The following NOP9 variants were observed in gnomAD, a reference collection of about 807,000 sequenced individuals.
The protein encoded by NOP9 is nucleolar protein 9.
NOP9 carries 50 observed loss-of-function variants against 63.0 expected under a neutral mutation model. That is an observed-to-expected ratio of 0.79 (90% CI 0.63 to 1.00). NOP9 has a LOEUF of 1.00. NOP9 is among the 50% of genes least tolerant of loss of function. The pLI, the probability that NOP9 is intolerant of heterozygous loss-of-function variation, is 0.00. For synonymous variants in NOP9, 343 were observed against 332.8 expected, an observed-to-expected ratio of 1.03 and a Z score of -0.33; for missense variants, 758 against 803.0, an observed-to-expected ratio of 0.94 and a Z score of 0.68.
chr14:24,305,061 G>A lies in NOP9; in HGVS notation c.1877G>A (p.Arg626Gln), dbSNP rs374412139. ...CAGCAGCAGGGTGCGGTGGCCAAGC[G>A]GAGGCGGGCATTGAACTCCATACTT... ...WEQQQGAVAKRRRALNSILED is the reference protein window; with the variant it reads ...WEQQQGAVAKQRRALNSILED Residue 626 changes from arginine to glutamine, a missense_variant, in exon 10 of 10, where the codon CGG (arginine) becomes CAG (glutamine). Arg to Gln is a conservative substitution (Grantham distance 43). Transcript: ENST00000267425. 43 of 1,585,022 alleles carry A rather than the reference G, an allele frequency of 2.7e-5. No individual in the cohort carries two copies. Among genetic ancestry groups the A allele is most frequent in the Non-Finnish European group, 3.3e-5 (39 of 1,165,638 alleles).
At chr14:24,303,022 TGTG>T in intron 5 of NOP9, 49 bp from the exon 6 acceptor site, 1 of 1,483,838 alleles carries the variant, frequency 6.7e-7, no homozygotes, top group Non-Finnish European at 9.0e-7. Context: ...CTCTGAATAA[TGTG>T]GTCCGCCATT....
In NOP9 at chr14:24,308,179, GGT is replaced by G. The variant is rs1324956416; in HGVS notation, c.*3087_*3088del. 3 of 379,868 alleles carry G rather than the reference GGT, an allele frequency of 7.9e-6. No individual in the cohort carries two copies. The highest frequency in any genetic ancestry group is 4.1e-5 in the African/African-American group (2 of 48,644). 23.5% of individuals were successfully genotyped at this position (379,868 alleles called of 1,614,324 possible). On this transcript the variant is annotated 3_prime_UTR_variant, in exon 10 of 10. Transcript: ENST00000267425. ...TGTAAAAGGATGAAATGTGACTTCTGGTGTTTTTTTATTTCTATGGAGGGAAT... is the reference window on the plus strand; with the variant it reads ...TGTAAAAGGATGAAATGTGACTTCTGGTTTTTTTATTTCTATGGAGGGAAT...
upstream of NOP9, chr14:24,296,691 A>T: frequency 6.2e-7 from 1 of 1,613,828 alleles, no homozygotes; most frequent in East Asian, 2.2e-5. Flanking sequence ...CAGGGGTCTG[A>T]GGGGGAGGTC....
the NOP9 span, chr14:24,290,448 T>G: frequency 1.1e-5 from 2 of 176,850 alleles, no homozygotes; most frequent in South Asian, 1.1e-4. Context: ...GGGAAACAGG[T>G]CTTGCAGGGC....
upstream of NOP9, chr14:24,298,926 C>G (rs2041312990): frequency 6.3e-6 from 10 of 1,583,538 alleles, no homozygotes; most frequent in Non-Finnish European, 8.6e-6. Flanking sequence ...CGGGTGGTTT[C>G]TGCAACTGTG....
Position 24,305,138 on chromosome 14 carries a change from T to TG in NOP9, c.*47dup, listed in dbSNP as rs780698979. ...TGGGTGTTGATGGGGGAGGGCAAAA[T>TG]GGGGTATCCACCCCATCCCTTTCCT... On this transcript the variant is annotated 3_prime_UTR_variant, in exon 10 of 10. Coordinates refer to ENST00000267425, the MANE Select transcript of NOP9 (RefSeq NM_174913.3). 7.8e-6 allele frequency: 11 copies of TG among 1,409,768 alleles called. No homozygotes were observed. Among genetic ancestry groups the TG allele is most frequent in the Non-Finnish European group, 9.3e-6 (10 of 1,070,768 alleles). 87.3% of individuals were successfully genotyped at this position (1,409,768 alleles called of 1,614,324 possible). A position where few individuals can be genotyped will look rare whatever the true frequency, so the allele number is the denominator to read the frequency against.
chr14:24,275,978 G>A, the NOP9 span, among the ~76,000 whole-genome samples: 1 of 152,204 alleles, frequency 6.6e-6, no homozygotes, highest in African/African-American at 2.4e-5. Flanking sequence ...CATCTAACAC[G>A]GTTGACAGTA....
At position 24,304,941 on chromosome 14, in the gene NOP9, A is replaced by G; in HGVS notation, c.1757A>G (p.Glu586Gly). ...ACATGAGTGGTTCCCTTTGCAGGGG[A>G]GCAGAACCAGGAGCTGATAAGAGAC... Reference protein sequence around the residue: ...ARKEIAAELGEQNQELIRDPF... With the variant: ...ARKEIAAELGGQNQELIRDPF... Residue 586 changes from glutamate to glycine, a missense_variant, in exon 10 of 10, where the codon GAG becomes GGG. By Grantham distance (98) the Glu-to-Gly change is moderately conservative. Transcript: ENST00000267425. 1 of 1,530,882 alleles carries G rather than the reference A, an allele frequency of 6.5e-7. No individual in the cohort carries two copies. Among genetic ancestry groups the G allele is most frequent in the South Asian group, 1.3e-5 (1 of 78,042 alleles). 94.8% of individuals were successfully genotyped at this position (1,530,882 alleles called of 1,614,324 possible).
the NOP9 span, among the ~76,000 whole-genome samples, chr14:24,286,664 C>G: frequency 3.9e-5 from 6 of 152,196 alleles, no homozygotes; most frequent in African/African-American, 1.4e-4. Context: ...ACGATCTCGA[C>G]TCACTGCAAG....
At chr14:24,299,543 A>C (rs756437359), upstream of NOP9, 3 of 217,318 alleles carry the variant, frequency 1.4e-5, no homozygotes, top group Non-Finnish European at 2.7e-5. Context: ...AAGCCTGGAG[A>C]TCCTAAGCCC....
chr14:24,286,295 A>G, the NOP9 span, among the ~76,000 whole-genome samples: 1 of 152,086 alleles, frequency 6.6e-6, no homozygotes, highest in Non-Finnish European at 1.5e-5. Flanking sequence ...GCCTCCTACA[A>G]TGTCTCGTCT....
At chr14:24,296,408 G>C, upstream of NOP9, 2 of 1,133,598 alleles carry the variant, frequency 1.8e-6, no homozygotes, top group South Asian at 2.6e-5. Flanking sequence ...AAAGAGATGG[G>C]GGAGGCCGGA....
Position 24,303,759 on chromosome 14 carries a change from C to A in NOP9, c.1312C>A (p.Arg438=), listed in dbSNP as rs116960868. The A allele has an allele frequency of 0.014, 23,235 of 1,614,086 alleles. 198 individuals carry two copies. Among genetic ancestry groups the A allele is most frequent in the Non-Finnish European group, 0.017 (19,602 of 1,179,942 alleles). Residue 438 remains arginine, a synonymous_variant, in exon 7 of 10, where the codon CGG becomes AGG. Coordinates refer to ENST00000267425, the MANE Select transcript of NOP9 (RefSeq NM_174913.3). ...EAFHCAEPSS[R]QVACVPLFAT... ...ATTCCACTGTGCAGAGCCCTCATCC[C>A]GGCAAGTGGCCTGTGTGCCTCTCTT...
At chr14:24,288,651 A>G in the NOP9 span, among the ~76,000 whole-genome samples, 1 of 151,922 alleles carries the variant, frequency 6.6e-6, no homozygotes, top group African/African-American at 2.4e-5. Context: ...CCCGACCAGG[A>G]ATTGACAATT....
the NOP9 span, among the ~76,000 whole-genome samples, chr14:24,277,893 C>G: frequency 6.6e-6 from 1 of 152,078 alleles, no homozygotes; most frequent in Non-Finnish European, 1.5e-5. Flanking sequence ...ATCTTGGGAC[C>G]CAGATGAAAT....
At chr14:24,290,488 T>G in the NOP9 span, 5 of 215,448 alleles carry the variant, frequency 2.3e-5, no homozygotes, top group East Asian at 1.3e-4. Context: ...AGGAAAGGGG[T>G]CTTGTCCTGG....
At position 24,302,433 on chromosome 14, in the gene NOP9, G is replaced by GTT; in HGVS notation, c.1143+9_1143+10insTT. ...TCACTACCCCTGAGCTGGTGAGTTG[G>GTT]AAACCTGAGCTGGATCTGTTTCTGC... On this transcript the variant is annotated intron_variant, in intron 5 of 9. Coordinates refer to ENST00000267425, the MANE Select transcript of NOP9 (RefSeq NM_174913.3). The GTT allele has an allele frequency of 6.2e-7, 1 of 1,601,036 alleles. No homozygotes were observed. Among genetic ancestry groups the GTT allele is most frequent in the Non-Finnish European group, 8.5e-7 (1 of 1,170,854 alleles).
At chr14:24,298,896 G>C (rs558748230), upstream of NOP9, 28 of 1,533,372 alleles carry the variant, frequency 1.8e-5, no homozygotes, top group Non-Finnish European at 2.5e-5. Flanking sequence ...GAAAGGAGCT[G>C]TTAAGTGGAA....
Position 24,302,021 on chromosome 14 carries a change from C to A in NOP9, c.865C>A (p.His289Asn). 6.2e-7 allele frequency: 1 copy of A among 1,614,092 alleles called. No homozygotes were observed. Residue 289 changes from histidine to asparagine, a missense_variant, in exon 4 of 10, where the codon CAC becomes AAC. Physicochemically the swap from His to Asn is moderately conservative, Grantham distance 68. Coordinates refer to ENST00000267425, the MANE Select transcript of NOP9 (RefSeq NM_174913.3). The part of the protein sequence containing the change: ...FCLQVALQVL[H>N]RKLPQFCAHL... ...TCTTCAAGTGGCTTTACAGGTTTTA[C>A]ACCGCAAACTTCCCCAGTTTTGCGC...
Sources: allele counts gnomAD v4.1 joint callset (sites outside exome capture counted in the v4.1 genomes callset), GRCh38; gene constraint gnomAD v4.1.1; transcripts MANE v1.5; gene names NCBI Gene and HGNC (gene_info 2026-07-23, HGNC 2026-07-21).